The following LRRC4C variants were observed in gnomAD, a reference collection of about 807,000 sequenced individuals.
The protein encoded by LRRC4C is leucine-rich repeat-containing protein 4C.
A neutral mutation model predicts 33.6 loss-of-function variants in LRRC4C; 5 were observed. The observed-to-expected ratio is 0.15, with a 90% CI of 0.08 to 0.31. The LOEUF (loss-of-function observed/expected upper bound fraction) is 0.31. LRRC4C is among the 10% of genes least tolerant of loss of function. The pLI, the probability that LRRC4C is intolerant of heterozygous loss-of-function variation, is 1.00. For synonymous variants in LRRC4C, 329 were observed against 302.0 expected (o/e 1.09, Z -0.93); for missense variants, 560 against 796.7 (o/e 0.70, Z 3.58).
chr11:41,021,667 G>A (rs1184994882), intron 1 of LRRC4C, among the ~76,000 whole-genome samples: 1 of 151,946 alleles, frequency 6.6e-6, no homozygotes. Flanking sequence ...TTCAGATAAC[G>A]AAAGAAAAAT....
At chr11:41,346,551 A>C (rs1951809619) in intron 1 of LRRC4C, among the ~76,000 whole-genome samples, 1 of 152,172 alleles carries the variant, frequency 6.6e-6, no homozygotes, top group Non-Finnish European at 1.5e-5. Flanking sequence ...TTTCCTTGAA[A>C]AATTATCAAA....
At chr11:41,310,626 A>G (rs1950618805) in intron 1 of LRRC4C, among the ~76,000 whole-genome samples, 1 of 152,228 alleles carries the variant, frequency 6.6e-6, no homozygotes, top group Non-Finnish European at 1.5e-5. Context: ...CAAGTAATCA[A>G]GTGTTAGATA....
At chr11:40,448,085 G>A (rs1385916767) in intron 3 of LRRC4C, among the ~76,000 whole-genome samples, 1 of 152,000 alleles carries the variant, frequency 6.6e-6, no homozygotes, top group Admixed American at 6.6e-5. Context: ...GGGATTACAA[G>A]CATGAACCAC....
intron 1 of LRRC4C, among the ~76,000 whole-genome samples, chr11:41,334,539 C>T (rs1308924716): frequency 6.6e-6 from 1 of 152,008 alleles, no homozygotes; most frequent in South Asian, 2.1e-4. Context: ...CTAAGATTTT[C>T]CTTCTTCAAG....
intron 3 of LRRC4C, among the ~76,000 whole-genome samples, chr11:40,590,378 T>C (rs1187281949): frequency 6.9e-6 from 1 of 145,028 alleles, no homozygotes; most frequent in African/African-American, 2.5e-5. Flanking sequence ...TATACATTCT[T>C]CTAAATTTTT....
intron 1 of LRRC4C, among the ~76,000 whole-genome samples, chr11:41,071,202 G>C (rs1938652630): frequency 6.6e-6 from 1 of 152,032 alleles, no homozygotes; most frequent in African/African-American, 2.4e-5. Flanking sequence ...TGAACAATGA[G>C]AACACATGGA....
At chr11:40,947,908 A>G (rs575843720) in intron 1 of LRRC4C, among the ~76,000 whole-genome samples, 2 of 152,110 alleles carry the variant, frequency 1.3e-5, no homozygotes, top group Non-Finnish European at 2.9e-5. Flanking sequence ...ATTGTCTCTC[A>G]GTGTTTCTCA....
chr11:40,346,215 A>T (rs1947122815), intron 3 of LRRC4C, among the ~76,000 whole-genome samples: 1 of 152,206 alleles, frequency 6.6e-6, no homozygotes, highest in South Asian at 2.1e-4. Flanking sequence ...ACCCAAATGA[A>T]TATAAATTGT....
At chr11:40,977,513 T>C (rs1479650082) in intron 1 of LRRC4C, among the ~76,000 whole-genome samples, 1 of 152,134 alleles carries the variant, frequency 6.6e-6, no homozygotes, top group African/African-American at 2.4e-5. Context: ...TCTCTGTGAC[T>C]TAAGACTCTG....
At position 40,768,250 on chromosome 11, in the gene LRRC4C, T is replaced by C. The variant is rs1949574598; in HGVS notation, c.-406-119972A>G. 1.3e-5 allele frequency among the ~76,000 whole-genome samples: 2 copies of C among 152,008 alleles called. 1 individual carries two copies. Among genetic ancestry groups the C allele is most frequent in the South Asian group, 4.1e-4 (2 of 4,832 alleles). The stretch of plus-strand genomic sequence containing the variant: ...GATAATTTCCTGGACCCATACAACC[T>C]ACCAAGAGAACCACAAAGAAATCTA... On this transcript the variant is annotated intron_variant, in intron 2 of 6. Coordinates refer to ENST00000528697, the MANE Select transcript of LRRC4C (RefSeq NM_001258419.2).
intron 2 of LRRC4C, among the ~76,000 whole-genome samples, chr11:40,758,079 C>A (rs1382337455): frequency 2.0e-5 from 3 of 151,906 alleles, no homozygotes; most frequent in Non-Finnish European, 4.4e-5. Context: ...AATATATCTC[C>A]CGCGAAATGC....
chr11:41,417,028 G>A (rs1043601911), intron 1 of LRRC4C, among the ~76,000 whole-genome samples: 2 of 151,982 alleles, frequency 1.3e-5, no homozygotes, highest in African/African-American at 4.8e-5. Flanking sequence ...AATACCAGTA[G>A]TGAATTAAAA....
chr11:41,030,863 T>G (rs1411623291), intron 1 of LRRC4C, among the ~76,000 whole-genome samples: 1 of 151,688 alleles, frequency 6.6e-6, no homozygotes, highest in Admixed American at 6.6e-5. Flanking sequence ...TTATACACAC[T>G]CTAAAACTTT....
chr11:40,772,239 C>T (rs1266807645), intron 2 of LRRC4C, among the ~76,000 whole-genome samples: 1 of 152,084 alleles, frequency 6.6e-6, no homozygotes, highest in African/African-American at 2.4e-5. Context: ...GAGAGAAGTG[C>T]AGAGCAAATG....
At chr11:40,455,700 C>A (rs566290180) in intron 3 of LRRC4C, among the ~76,000 whole-genome samples, 1 of 152,248 alleles carries the variant, frequency 6.6e-6, no homozygotes, top group East Asian at 1.9e-4. Context: ...CTTCAGAATT[C>A]ATCAAAACCA....
rs551852814 is a variant in LRRC4C at position 41,410,632 on chromosome 11, G to T, written c.-496+48799C>A. ...ATTTTTTGTATTTTTAGTAGAGACG[G>T]TGTTTCACCGTGTTAGCCAGGATGG... On this transcript the variant is annotated intron_variant, in intron 1 of 6. Transcript: ENST00000528697. Among the ~76,000 whole-genome samples, 17 of 151,994 alleles carry T rather than the reference G, an allele frequency of 1.1e-4. No homozygotes were observed. In the South Asian group the frequency reaches 3.5e-3, roughly 32 times the overall value.
Position 40,680,860 on chromosome 11 carries a change from T to C in LRRC4C, c.-406-32582A>G, listed in dbSNP as rs114124503. 2.9e-3 allele frequency among the ~76,000 whole-genome samples: 439 copies of C among 152,304 alleles called. 1 individual carries two copies. Among genetic ancestry groups the C allele is most frequent in the African/African-American group, 0.01 (429 of 41,570 alleles). ...AAAATAATGTAACTTTAACATGCAA[T>C]CATTATAGAAAGAATAAGGTATTTT... is the stretch of plus-strand genomic sequence containing the variant. On this transcript the variant is annotated intron_variant, in intron 2 of 6. Coordinates refer to ENST00000528697, the MANE Select transcript of LRRC4C (RefSeq NM_001258419.2).
chr11:40,617,625 G>C (rs1961993503), intron 3 of LRRC4C, among the ~76,000 whole-genome samples: 1 of 151,490 alleles, frequency 6.6e-6, no homozygotes, highest in Non-Finnish European at 1.5e-5. Flanking sequence ...CTCCTCATCA[G>C]ATTTACAATA....
intron 2 of LRRC4C, among the ~76,000 whole-genome samples, chr11:40,773,117 C>T (rs1203523349): frequency 6.6e-6 from 1 of 152,098 alleles, no homozygotes; most frequent in African/African-American, 2.4e-5. Flanking sequence ...ACAAAATTTG[C>T]ATGCTCTAAT....
Sources: allele counts gnomAD v4.1 joint callset (sites outside exome capture counted in the v4.1 genomes callset), GRCh38; gene constraint gnomAD v4.1.1; transcripts MANE v1.5; gene names NCBI Gene and HGNC (gene_info 2026-07-23, HGNC 2026-07-21).